The following RNF145 variants were observed in gnomAD, a reference collection of about 807,000 sequenced individuals.
The protein encoded by RNF145 is ring finger protein 145.
Under a neutral mutation model 57.3 loss-of-function variants are expected in RNF145, and 12 were observed. The observed-to-expected ratio is 0.21, with a 90% confidence interval of 0.13 to 0.34. The LOEUF (loss-of-function observed/expected upper bound fraction) is 0.34. RNF145 is among the 10% of genes least tolerant of loss of function. The pLI, the probability that RNF145 is intolerant of heterozygous loss-of-function variation, is 1.00. For synonymous variants in RNF145, 262 were observed against 288.3 expected, an observed-to-expected ratio of 0.91 and a Z score of 0.92; for missense variants, 429 against 799.0, an observed-to-expected ratio of 0.54 and a Z score of 5.58.
intron 2 of RNF145, among the ~76,000 whole-genome samples, chr5:159,195,134 TTC>T (rs373855988): frequency 2.0e-5 from 3 of 152,222 alleles, no homozygotes; most frequent in East Asian, 1.9e-4. Context: ...TTTATGCCAA[TTC>T]TCTCTTTCTT....
intron 2 of RNF145, among the ~76,000 whole-genome samples, chr5:159,195,115 C>T (rs1455475681): frequency 6.6e-6 from 1 of 152,112 alleles, no homozygotes; most frequent in Non-Finnish European, 1.5e-5. Context: ...TTGATATCAA[C>T]TTACTTGTTT....
At chr5:159,207,306 ATG>A (rs1785924788) in intron 1 of RNF145, among the ~76,000 whole-genome samples, 1 of 152,188 alleles carries the variant, frequency 6.6e-6, no homozygotes, top group African/African-American at 2.4e-5. Flanking sequence ...GAAATGAAAA[ATG>A]TGATTTTTTA....
chr5:159,202,340 CA>C (rs1393590156), intron 2 of RNF145, among the ~76,000 whole-genome samples: 4 of 152,200 alleles, frequency 2.6e-5, no homozygotes, highest in Non-Finnish European at 5.9e-5. Flanking sequence ...GGCTAACATA[CA>C]AAGCCTTTCA....
intron 6 of RNF145, among the ~76,000 whole-genome samples, chr5:159,170,422 A>T (rs1784508482): frequency 6.6e-6 from 1 of 152,216 alleles, no homozygotes; most frequent in Admixed American, 6.5e-5. Flanking sequence ...TTTAATATTA[A>T]TTTTTAACAA....
At chr5:159,206,192 A>C (rs917651413) in intron 1 of RNF145, among the ~76,000 whole-genome samples, 1 of 152,200 alleles carries the variant, frequency 6.6e-6, no homozygotes, top group African/African-American at 2.4e-5. Context: ...TACATAGTCA[A>C]CTCGAGACTG....
upstream of RNF145, chr5:159,209,868 G>C: frequency 6.5e-7 from 1 of 1,536,070 alleles, no homozygotes; most frequent in South Asian, 1.2e-5. Flanking sequence ...GGGACCACGT[G>C]GGAGAATTTG....
chr5:159,205,109 T>C (rs544191434), intron 1 of RNF145, among the ~76,000 whole-genome samples: 15 of 152,260 alleles, frequency 9.9e-5, no homozygotes, highest in African/African-American at 3.4e-4. Context: ...GCAACCCAAC[T>C]TGGCACACTA....
At chr5:159,201,057 C>T (rs576418319) in intron 2 of RNF145, among the ~76,000 whole-genome samples, 1 of 152,146 alleles carries the variant, frequency 6.6e-6, no homozygotes, top group South Asian at 2.1e-4. Context: ...TCTGTCAACA[C>T]TACAAATATA....
rs70987958 is a variant in RNF145 at position 159,209,408 on chromosome 5, AGGCAGCGGCAGC to A, written c.-229_-218del. On this transcript the variant is annotated 5_prime_UTR_variant, in exon 1 of 11. Transcript: ENST00000424310. ...TCGGATGTTGCTTCTGGGGAGGCGG[AGGCAGCGGCAGC>A]GGCAGCGGCCCGGCCCGTACGGTCA... is the stretch of plus-strand genomic sequence containing the variant. 9 of 985,684 alleles carry A rather than the reference AGGCAGCGGCAGC, an allele frequency of 9.1e-6. No homozygotes were observed. Among genetic ancestry groups the A allele is most frequent in the East Asian group, 1.1e-4 (1 of 8,750 alleles). The allele number at this position is 985,684 out of a possible 1,614,324, so 61.1% of individuals were successfully genotyped here. A position where few individuals can be genotyped will look rare whatever the true frequency, so the allele number is the denominator to read the frequency against.
intron 3 of RNF145, among the ~76,000 whole-genome samples, chr5:159,187,783 G>C (rs940034718): frequency 2.0e-5 from 3 of 152,086 alleles, no homozygotes; most frequent in Non-Finnish European, 4.4e-5. Context: ...ATAATGCACA[G>C]GACAGCTTCC....
In RNF145 at chr5:159,185,683, G is replaced by C. The variant is rs138815057; in HGVS notation, c.294-3632C>G. Among the ~76,000 whole-genome samples, 787 of 152,306 alleles carry C rather than the reference G, an allele frequency of 5.2e-3. 1 individual carries two copies. Among genetic ancestry groups the C allele is most frequent in the Non-Finnish European group, 8.3e-3 (563 of 68,012 alleles). ...TAAGACTCAGGTGAGCTATTCAAGA[G>C]AAGCATTACAATTTTTCATTTCAGA... On this transcript the variant is annotated intron_variant, in intron 3 of 10. Transcript: ENST00000424310.
In RNF145 at chr5:159,207,093, G is replaced by A. The variant is rs183997908; in HGVS notation, c.-40+2138C>T. Reference sequence around the variant, plus strand: ...GCAGCAATCCGTAATTATGAAAACAGTAATGTCTTGTAGAAGTATAATGCT... The same window carrying A: ...GCAGCAATCCGTAATTATGAAAACAATAATGTCTTGTAGAAGTATAATGCT... On this transcript the variant is annotated intron_variant, in intron 1 of 10. Coordinates refer to ENST00000424310, the MANE Select transcript of RNF145 (RefSeq NM_001199383.2). Among the ~76,000 whole-genome samples, 43 of 152,254 alleles carry A rather than the reference G, an allele frequency of 2.8e-4. No individual in the cohort carries two copies. The East Asian group carries it at 7.1e-3, about 25-fold the overall frequency.
chr5:159,188,393 C>CA (rs1239278079), intron 3 of RNF145, among the ~76,000 whole-genome samples: 2,487 of 118,512 alleles, frequency 0.021, 55 homozygotes, highest in African/African-American at 0.057. Flanking sequence ...GACTCTGTCT[C>CA]AAAAAAAAAA....
intron 1 of RNF145, among the ~76,000 whole-genome samples, chr5:159,206,478 A>G (rs1380177773): frequency 1.3e-5 from 2 of 152,180 alleles, no homozygotes; most frequent in Admixed American, 6.5e-5. Context: ...CACACACTAA[A>G]CCAACATCAA....
At chr5:159,178,157 T>C (rs896944913) in intron 4 of RNF145, among the ~76,000 whole-genome samples, 1 of 152,002 alleles carries the variant, frequency 6.6e-6, no homozygotes, top group Admixed American at 6.6e-5. Flanking sequence ...ATTATACAAA[T>C]AGCTGTATTT....
chr5:159,171,889 C>A (rs112488901), intron 6 of RNF145, among the ~76,000 whole-genome samples: 241 of 151,980 alleles, frequency 1.6e-3, no homozygotes, highest in African/African-American at 5.4e-3. Context: ...ACATTCTTAT[C>A]ATGAAAAAAG....
intron 3 of RNF145, among the ~76,000 whole-genome samples, chr5:159,183,522 G>A (rs1231507604): frequency 6.6e-6 from 1 of 151,766 alleles, no homozygotes; most frequent in Non-Finnish European, 1.5e-5. Context: ...ATAAATATCT[G>A]ATTACTATAG....
At position 159,161,441 on chromosome 5, in the gene RNF145, A is replaced by G; in HGVS notation, c.1451T>C (p.Val484Ala). Residue 484 changes from valine to alanine, a missense_variant, in exon 10 of 11, where the codon GTG becomes GCG. Around this residue, in one of 4 missense-constraint regions of RNF145, gnomAD observed 216 missense variants for 457.6 expected, o/e 0.47. Transcript: ENST00000424310. The stretch of plus-strand genomic sequence containing the variant: ...AATGAAGATGATCATTGAGCCCATC[A>G]CTGTCCATTCTCCAAAGATGGTCTC... ...VSETIFGEWT[V>A]MGSMIIFIHS... 1 of 1,614,230 alleles carries G rather than the reference A, an allele frequency of 6.2e-7. No individual in the cohort carries two copies. Among genetic ancestry groups the G allele is most frequent in the Non-Finnish European group, 8.5e-7 (1 of 1,180,034 alleles).
At chr5:159,171,504 ATAC>A (rs1403782386) in intron 6 of RNF145, among the ~76,000 whole-genome samples, 2 of 152,334 alleles carry the variant, frequency 1.3e-5, no homozygotes, top group East Asian at 3.9e-4. Context: ...AAAACAGAGC[ATAC>A]TAAATACCAA....
Sources: gnomAD v4.1 joint callset for allele counts (sites outside exome capture counted in the v4.1 genomes callset) on GRCh38, gnomAD v4.1.1 for gene constraint, gnomAD v4.1.1 regional missense constraint, MANE v1.5 for transcripts, NCBI Gene and HGNC (gene_info 2026-07-23, HGNC 2026-07-21) for gene names.